The following DMD variants were observed in gnomAD, a reference collection of about 807,000 sequenced individuals.
DMD encodes mutant dystrophin.
Under a neutral mutation model 330.1 loss-of-function variants are expected in DMD, and 63 were observed. The observed-to-expected ratio is 0.19, with a 90% confidence interval of 0.16 to 0.24. The LOEUF (loss-of-function observed/expected upper bound fraction) is 0.24. Ranked by LOEUF, DMD falls within the 10% of genes least tolerant of loss-of-function variation. DMD has a pLI of 1.00. For synonymous variants in DMD, 1,223 were observed against 959.8 expected (o/e 1.27, Z -5.07); for missense variants, 3,344 against 2,684.1 (o/e 1.25, Z -5.43).
intron 63 of DMD, among the ~76,000 whole-genome samples, chrX:31,233,520 T>G (rs2047421179): frequency 1.8e-5 from 2 of 111,588 alleles, no homozygotes; most frequent in African/African-American, 6.5e-5. Context: ...TTAGCTTTTT[T>G]GGATTGCAAA....
At chrX:31,507,493 A>G in intron 55 of DMD, 40 bp from the exon 56 acceptor site, 1 of 1,112,037 alleles carries the variant, frequency 9.0e-7, no homozygotes, top group Non-Finnish European at 1.2e-6. Flanking sequence ...CAGAATTACC[A>G]AACAAAAGAA....
intron 43 of DMD, among the ~76,000 whole-genome samples, chrX:32,253,304 A>G (rs1489901367): frequency 6.3e-5 from 7 of 110,967 alleles, no homozygotes; most frequent in African/African-American, 2.3e-4. Flanking sequence ...CTAACTGGTC[A>G]CTTAGCTGAC....
intron 53 of DMD, among the ~76,000 whole-genome samples, chrX:31,677,773 C>A (rs750917691): frequency 4.4e-4 from 49 of 112,408 alleles, no homozygotes; most frequent in African/African-American, 1.6e-3. Flanking sequence ...ATCATATAAA[C>A]TAAAACCTTG....
chrX:32,719,623 T>C (rs1341444339), intron 7 of DMD, among the ~76,000 whole-genome samples: 1 of 112,029 alleles, frequency 8.9e-6, no homozygotes, highest in African/African-American at 3.2e-5. Context: ...TGGAAATATT[T>C]TGGATATTGT....
At chrX:31,369,455 G>C (rs73617079) in intron 60 of DMD, among the ~76,000 whole-genome samples, 1,706 of 112,256 alleles carry the variant, frequency 0.015, 39 homozygotes, top group African/African-American at 0.052. Context: ...CTTGGGGATA[G>C]AGCTGACAGA....
At chrX:31,610,811 T>C (rs1332018220) in intron 55 of DMD, among the ~76,000 whole-genome samples, 1 of 111,671 alleles carries the variant, frequency 9.0e-6, no homozygotes, top group African/African-American at 3.3e-5. Context: ...TGTAACATTG[T>C]ACTAGTGATC....
chrX:31,928,593 G>GA (rs2094812367), intron 47 of DMD, among the ~76,000 whole-genome samples: 1 of 109,440 alleles, frequency 9.1e-6, no homozygotes, highest in African/African-American at 3.3e-5. Context: ...GCGACACAGC[G>GA]AGACTCTGTC....
chrX:31,149,060 CT>C (rs1172467646), intron 74 of DMD, among the ~76,000 whole-genome samples: 7 of 112,033 alleles, frequency 6.2e-5, no homozygotes, highest in Non-Finnish European at 1.1e-4. Context: ...TCACGAAAAT[CT>C]TTTCTTACAC....
intron 7 of DMD, among the ~76,000 whole-genome samples, chrX:32,773,039 T>A (rs894677263): frequency 9.0e-6 from 1 of 111,697 alleles, no homozygotes; most frequent in African/African-American, 3.3e-5. Flanking sequence ...TATCCTTCCG[T>A]CATGCTCCTC....
chrX:32,835,161 T>G (rs1449692818), intron 4 of DMD, among the ~76,000 whole-genome samples: 1 of 112,172 alleles, frequency 8.9e-6, no homozygotes, highest in Non-Finnish European at 1.9e-5. Context: ...ATTAAATATC[T>G]TTGAGAGAAT....
At chrX:32,709,351 A>AG (rs1254635243) in intron 7 of DMD, among the ~76,000 whole-genome samples, 1 of 112,266 alleles carries the variant, frequency 8.9e-6, no homozygotes, top group Non-Finnish European at 1.9e-5. Context: ...AACTTTATAA[A>AG]AGAGAATGTA....
At chrX:31,178,430 T>TA in intron 70 of DMD, 12 of 935,945 alleles carry the variant, frequency 1.3e-5, no homozygotes, top group Non-Finnish European at 1.6e-5. Context: ...TATTGTGTTG[T>TA]GGTTTTTTTT....
chrX:31,670,506 C>T (rs1024239898), intron 53 of DMD, among the ~76,000 whole-genome samples: 5 of 111,918 alleles, frequency 4.5e-5, no homozygotes, highest in Non-Finnish European at 7.5e-5. Context: ...TCACAATTTG[C>T]GTAGCTGGGT....
intron 9 of DMD, among the ~76,000 whole-genome samples, chrX:32,648,550 GATATGT>G (rs2059924279): frequency 9.0e-6 from 1 of 111,149 alleles, no homozygotes; most frequent in African/African-American, 3.3e-5. Context: ...GGTTTATTTT[GATATGT>G]ATATGTATAT....
At chrX:31,926,694 A>G (rs780954251) in intron 47 of DMD, among the ~76,000 whole-genome samples, 12 of 111,427 alleles carry the variant, frequency 1.1e-4, no homozygotes, top group African/African-American at 3.3e-4. Flanking sequence ...AATAAAAAAA[A>G]AAATAAAATA....
intron 7 of DMD, among the ~76,000 whole-genome samples, chrX:32,793,062 T>C (rs770759999): frequency 2.1e-4 from 24 of 112,079 alleles, no homozygotes; most frequent in Admixed American, 1.2e-3. Context: ...TGACAGAATA[T>C]GTCTTAACAA....
intron 31 of DMD, 88 bp downstream of exon 31, chrX:32,389,983 A>T: frequency 1.3e-6 from 1 of 751,566 alleles, no homozygotes; most frequent in Non-Finnish European, 2.1e-6. Flanking sequence ...CCTCAAATCC[A>T]ATCTTGCCAA....
At chrX:32,998,618 C>T (rs1477532880) in intron 2 of DMD, among the ~76,000 whole-genome samples, 2 of 96,517 alleles carry the variant, frequency 2.1e-5, no homozygotes, top group African/African-American at 3.5e-5. Context: ...TATATATACA[C>T]ACACACACAC....
chrX:32,911,880 A>G (rs989531110), intron 2 of DMD, among the ~76,000 whole-genome samples: 2 of 111,596 alleles, frequency 1.8e-5, no homozygotes, highest in Admixed American at 1.9e-4. Context: ...GAAAGCTTAA[A>G]TTATAGAATT....
Sources: allele counts gnomAD v4.1 joint callset (sites outside exome capture counted in the v4.1 genomes callset), GRCh38; gene constraint gnomAD v4.1.1; transcripts MANE v1.5; gene names NCBI Gene and HGNC (gene_info 2026-07-23, HGNC 2026-07-21).